The following NFYC variants were observed in gnomAD, a reference collection of about 807,000 sequenced individuals.
NFYC encodes the protein nuclear transcription factor Y subunit gamma.
A neutral mutation model predicts 53.1 loss-of-function variants in NFYC; 25 were observed. That is an observed-to-expected ratio of 0.47 (90% confidence interval 0.34 to 0.66). NFYC has a LOEUF of 0.66. NFYC is among the 30% of genes least tolerant of loss of function. The probability of loss-of-function intolerance (pLI) is 0.01; values close to 1 mark genes in which losing one functional copy is unlikely to be tolerated. For missense variants in NFYC, 260 were observed against 422.7 expected (o/e 0.62, Z 3.38); for synonymous variants, 145 against 152.6 (o/e 0.95, Z 0.37).
chr1:40,727,532 C>CTTTT lies in NFYC; in HGVS notation c.-8-11291_-8-11288dup, dbSNP rs372284521. Among the ~76,000 whole-genome samples the CTTTT allele has an allele frequency of 9.1e-3, 1,179 of 130,118 alleles. 17 individuals are homozygous for CTTTT. The highest frequency in any genetic ancestry group is 0.015 in the Non-Finnish European group (914 of 61,428). 85.4% of individuals were successfully genotyped at this position (130,118 alleles called of 152,430 possible). A position where few individuals can be genotyped will look rare whatever the true frequency, so the allele number is the denominator to read the frequency against. On this transcript the variant is annotated intron_variant, in intron 1 of 9. Transcript: ENST00000447388. ...GGCACTGTGCCTGGCCATGAATATTCTTTTTTTTTTTTTTTTGAGACAAAG... is the reference window on the plus strand; with the variant it reads ...GGCACTGTGCCTGGCCATGAATATTCTTTTTTTTTTTTTTTTTTTTGAGACAAAG...
Position 40,770,790 on chromosome 1 carries a change from C to CCCT in NFYC, c.973_975dup (p.Ser325dup), listed in dbSNP as rs1557956264. The CCCT allele has an allele frequency of 6.2e-7, 1 of 1,612,418 alleles. No individual in the cohort carries two copies. The highest frequency in any genetic ancestry group is 1.7e-5 in the Admixed American group (1 of 60,028). ...CATGTTCATCCAGTCAGCCAACCAGCCCTCCGACGGGCAGGCCCCCCAGGT... is the reference window on the plus strand; with the variant it reads ...CATGTTCATCCAGTCAGCCAACCAGCCCTCCTCCGACGGGCAGGCCCCCCAGGT... On this transcript the variant is annotated inframe_insertion, in exon 10 of 10. Transcript: ENST00000447388. The surrounding 1 kb of genome is among the most constrained non-coding windows in gnomAD (Gnocchi z 5.3).
chr1:40,694,266 A>ATT (rs1281518474), intron 1 of NFYC, among the ~76,000 whole-genome samples: 2 of 152,198 alleles, frequency 1.3e-5, no homozygotes, highest in Admixed American at 1.3e-4. Context: ...TGGGATATTG[A>ATT]TTCTAGGATA....
At chr1:40,754,305 T>C (rs748374704) in intron 5 of NFYC, 2 of 534,120 alleles carry the variant, frequency 3.7e-6, no homozygotes, top group Non-Finnish European at 7.7e-6. Flanking sequence ...AAGCCCTCTG[T>C]CACCTCCTTA....
At chr1:40,753,332 A>T in intron 5 of NFYC, 86 bp downstream of exon 5, 1 of 857,310 alleles carries the variant, frequency 1.2e-6, no homozygotes, top group Non-Finnish European at 1.9e-6. Flanking sequence ...TCTCAGCACA[A>T]GTCATTTGCT....
At chr1:40,710,237 T>C (rs1056669075) in intron 1 of NFYC, among the ~76,000 whole-genome samples, 1 of 152,102 alleles carries the variant, frequency 6.6e-6, no homozygotes, top group African/African-American at 2.4e-5. Flanking sequence ...TCTTCACTTA[T>C]ATTGACAGTG....
At chr1:40,705,654 A>G (rs527772838) in intron 1 of NFYC, among the ~76,000 whole-genome samples, 2 of 152,238 alleles carry the variant, frequency 1.3e-5, no homozygotes, top group African/African-American at 2.4e-5. Flanking sequence ...AAAATTTGTA[A>G]CAATTTATAG....
rs112439044 is a variant in NFYC at position 40,754,405 on chromosome 1, C to T, written c.387+1159C>T. The T allele has an allele frequency of 8.0e-4, 428 of 534,396 alleles. 5 individuals are homozygous for T. The East Asian group carries it at 0.011, about 14-fold the overall frequency. 33.1% of individuals were successfully genotyped at this position (534,396 alleles called of 1,614,324 possible). ...CCTTGACTGGAAGCTGTAAGGTGTT[C>T]AGAGGAGCTTTCAGTCGGATGTTTA... On this transcript the variant is annotated intron_variant, in intron 5 of 9. Coordinates refer to ENST00000447388, the MANE Select transcript of NFYC (RefSeq NM_014223.5).
chr1:40,736,536 G>A (rs1285501626), intron 1 of NFYC, among the ~76,000 whole-genome samples: 1 of 152,054 alleles, frequency 6.6e-6, no homozygotes, highest in East Asian at 1.9e-4. Flanking sequence ...CCAGCATCCC[G>A]TCACTGGCAC....
chr1:40,754,409 G>A (rs1427789369), intron 5 of NFYC: 1 of 534,266 alleles, frequency 1.9e-6, no homozygotes, highest in Non-Finnish European at 3.8e-6. Flanking sequence ...GGTGTTCAGA[G>A]GAGCTTTCAG....
chr1:40,729,580 G>A (rs1050018668), intron 1 of NFYC, among the ~76,000 whole-genome samples: 1 of 152,146 alleles, frequency 6.6e-6, no homozygotes, highest in Non-Finnish European at 1.5e-5. Context: ...TGTGTTCACT[G>A]GAGGAGCACT....
chr1:40,709,088 G>A (rs1643856126), intron 1 of NFYC, among the ~76,000 whole-genome samples: 1 of 152,184 alleles, frequency 6.6e-6, no homozygotes, highest in Admixed American at 6.5e-5. Flanking sequence ...ATGCCCTAGT[G>A]CAGCTGCTAT....
chr1:40,758,715 G>A (rs540512485), intron 6 of NFYC, among the ~76,000 whole-genome samples: 6 of 152,220 alleles, frequency 3.9e-5, no homozygotes, highest in South Asian at 2.1e-4. Context: ...CCTTCTCCCC[G>A]TCATTTCTCT....
At chr1:40,733,540 G>A (rs1644874026) in intron 1 of NFYC, among the ~76,000 whole-genome samples, 1 of 151,142 alleles carries the variant, frequency 6.6e-6, no homozygotes, top group African/African-American at 2.4e-5. Flanking sequence ...AGAGGATCCT[G>A]GAATGAGTCT....
chr1:40,697,317 A>G (rs1486087444), intron 1 of NFYC, among the ~76,000 whole-genome samples: 1 of 152,188 alleles, frequency 6.6e-6, no homozygotes, highest in Non-Finnish European at 1.5e-5. Context: ...TCTGCTCTGC[A>G]ATATACAGTA....
rs1214313750 is a variant in NFYC, at chr1:40,770,741, T to G, written c.921T>G (p.Pro307=). Residue 307 remains proline, a synonymous_variant, in exon 10 of 10, where the codon CCT becomes CCG. Transcript: ENST00000447388. This position sits in a 1 kb window ranked among gnomAD's most constrained non-coding sequence, Gnocchi z 5.3. ...QLYQIQQVTM[P]AGQDLAQPMF... ...ACCAGATCCAGCAAGTCACCATGCC[T>G]GCGGGCCAGGACCTCGCCCAGCCCA... 2.5e-6 allele frequency: 4 copies of G among 1,614,072 alleles called. No homozygotes were observed. The highest frequency in any genetic ancestry group is 2.2e-5 in the East Asian group (1 of 44,884).
chr1:40,732,195 A>G (rs1644805535), intron 1 of NFYC, among the ~76,000 whole-genome samples: 1 of 152,242 alleles, frequency 6.6e-6, no homozygotes. Context: ...TTGTGGGTTT[A>G]GGCTACTATA....
intron 9 of NFYC, 30 bp downstream of exon 9, chr1:40,769,445 G>A (rs1487276201): frequency 6.2e-7 from 1 of 1,609,636 alleles, no homozygotes; most frequent in South Asian, 1.1e-5. Context: ...CTGGGCAGAG[G>A]GTGAGGATTT....
chr1:40,718,799 A>G (rs1287405914), intron 1 of NFYC, among the ~76,000 whole-genome samples: 2 of 152,228 alleles, frequency 1.3e-5, no homozygotes, highest in Non-Finnish European at 2.9e-5. Flanking sequence ...GGCAGCTCCC[A>G]CATTTGGGTT....
rs1288281477 is a variant in NFYC at position 40,763,593 on chromosome 1, C to T, written c.720+547C>T. On this transcript the variant is annotated intron_variant, in intron 7 of 9. Coordinates refer to ENST00000447388, the MANE Select transcript of NFYC (RefSeq NM_014223.5). The stretch of plus-strand genomic sequence containing the variant: ...AACTCCTAACCTCAGGTGATCCGCC[C>T]GCCTCGGCCTCCCAAAGTGCTGGGA... 6.6e-5 allele frequency: 23 copies of T among 346,802 alleles called. 1 individual carries two copies. Among genetic ancestry groups the T allele is most frequent in the East Asian group, 5.4e-4 (7 of 13,004 alleles). 21.5% of individuals were successfully genotyped at this position (346,802 alleles called of 1,614,324 possible).
Sources: allele counts gnomAD v4.1 joint callset (sites outside exome capture counted in the v4.1 genomes callset), GRCh38; gene constraint gnomAD v4.1.1; non-coding constraint Gnocchi (gnomAD v3.1); transcripts MANE v1.5; gene names NCBI Gene and HGNC (gene_info 2026-07-23, HGNC 2026-07-21).